The following ZNF462 variants were observed in gnomAD, a reference collection of about 807,000 sequenced individuals.
ZNF462 encodes zinc finger protein 462.
Under a neutral mutation model 201.9 loss-of-function variants are expected in ZNF462, and 10 were observed. The ratio of observed to expected loss-of-function variants is 0.05; its 90% confidence interval spans 0.03 to 0.08. ZNF462 has a LOEUF of 0.08. Ranked by LOEUF, ZNF462 falls within the 10% of genes least tolerant of loss-of-function variation. The pLI, the probability that ZNF462 is intolerant of heterozygous loss-of-function variation, is 1.00. For synonymous variants in ZNF462, 1,227 were observed against 1,193.3 expected, an observed-to-expected ratio of 1.03 and a Z score of -0.58; for missense variants, 2,523 against 3,168.3, an observed-to-expected ratio of 0.80 and a Z score of 4.89.
intron 1 of ZNF462, among the ~76,000 whole-genome samples, chr9:106,884,044 C>T (rs1204768531): frequency 6.6e-6 from 1 of 152,192 alleles, no homozygotes; most frequent in Non-Finnish European, 1.5e-5. Context: ...AAAAAGTTTT[C>T]TTTCTAAATC....
At position 106,927,989 on chromosome 9, in the gene ZNF462, T is replaced by C. The variant is rs765379964; in HGVS notation, c.4077T>C (p.Ser1359=). 1.2e-5 allele frequency: 20 copies of C among 1,614,124 alleles called. No homozygotes were observed. In the South Asian group the frequency reaches 1.6e-4, roughly 13 times the overall value. ...CTGGGCCAGACCCATCCCCTCCCTC[T>C]CTCACAATGCCAGCCGAAGCCAAAA... The part of the protein sequence containing the change: ...LWAGPDPSPP[S]LTMPAEAKTY... Residue 1359 remains serine (S), a synonymous_variant, in exon 3 of 13, where the codon TCT becomes TCC. Coordinates refer to ENST00000277225, the MANE Select transcript of ZNF462 (RefSeq NM_021224.6).
intron 6 of ZNF462, among the ~76,000 whole-genome samples, chr9:106,936,345 C>G (rs1479785871): frequency 6.6e-6 from 1 of 152,168 alleles, no homozygotes; most frequent in African/African-American, 2.4e-5. Flanking sequence ...GTGTCACATT[C>G]CTTGTGCCTT....
rs2131559927 is a variant in ZNF462, at chr9:106,933,330, G to A, written c.6116+781G>A. On this transcript the variant is annotated intron_variant, in intron 5 of 12. Coordinates refer to ENST00000277225, the MANE Select transcript of ZNF462 (RefSeq NM_021224.6). The surrounding 1 kb of genome is among the most constrained non-coding windows in gnomAD (Gnocchi z 4.3). ...GATAAAGGGCCAGTTAGTGGTTGTTGAACAGAAGAAGGAGGTGGTGTTTTC... is the reference window on the plus strand; with the variant it reads ...GATAAAGGGCCAGTTAGTGGTTGTTAAACAGAAGAAGGAGGTGGTGTTTTC... The A allele has an allele frequency of 6.6e-6, 1 of 152,518 alleles. No individual in the cohort carries two copies. Among genetic ancestry groups the A allele is most frequent in the African/African-American group, 2.4e-5 (1 of 41,578 alleles). 9.4% of individuals were successfully genotyped at this position (152,518 alleles called of 1,614,324 possible).
At chr9:107,002,815 T>C (rs1298091531) in intron 10 of ZNF462, among the ~76,000 whole-genome samples, 1 of 152,206 alleles carries the variant, frequency 6.6e-6, no homozygotes, top group Non-Finnish European at 1.5e-5. Context: ...CGGGACAGCC[T>C]GCAACACCCT....
chr9:106,882,576 T>C (rs1322582934), intron 1 of ZNF462, among the ~76,000 whole-genome samples: 2 of 152,152 alleles, frequency 1.3e-5, no homozygotes, highest in African/African-American at 4.8e-5. Flanking sequence ...CAAGGAAAAT[T>C]TGTTTGTCGG....
intron 7 of ZNF462, among the ~76,000 whole-genome samples, chr9:106,958,182 G>A (rs1247064670): frequency 2.6e-5 from 4 of 151,848 alleles, no homozygotes; most frequent in Non-Finnish European, 4.4e-5. Flanking sequence ...CAGTGGGAAT[G>A]CATTTCTACC....
rs115885681 is a variant in ZNF462, at chr9:106,979,713, G to A, written c.6833-4473G>A. Among the ~76,000 whole-genome samples the A allele has an allele frequency of 1.4e-3, 209 of 147,358 alleles. 6 individuals are homozygous for A. Among genetic ancestry groups the A allele is most frequent in the African/African-American group, 5.4e-3 (200 of 36,918 alleles). On this transcript the variant is annotated intron_variant, in intron 9 of 12. Transcript: ENST00000277225. ...ATAGTTTTATGAGGGTATTCCTATT[G>A]AGTTGATCACCATTGGAAGCACAAT...
chr9:106,940,345 C>T (rs746960055), intron 7 of ZNF462, among the ~76,000 whole-genome samples: 1 of 152,050 alleles, frequency 6.6e-6, no homozygotes, highest in Non-Finnish European at 1.5e-5. Context: ...ATAACAAGTA[C>T]GAATTTTGGT....
chr9:106,892,313 G>T lies in ZNF462; in HGVS notation c.-31+28958G>T, dbSNP rs1828614486. 3.3e-5 allele frequency among the ~76,000 whole-genome samples: 5 copies of T among 152,224 alleles called. No individual in the cohort carries two copies. In the South Asian group the frequency reaches 1.0e-3, roughly 32 times the overall value. On this transcript the variant is annotated intron_variant, in intron 1 of 12. Transcript: ENST00000277225. ...AACGAAAGTGCAACTCAGAAGATTA[G>T]GTAGCTATATACGTAAGCATATCAT... is the stretch of plus-strand genomic sequence containing the variant.
intron 1 of ZNF462, among the ~76,000 whole-genome samples, chr9:106,904,785 G>C (rs1215622251): frequency 1.3e-5 from 2 of 151,950 alleles, no homozygotes; most frequent in Non-Finnish European, 2.9e-5. Context: ...TTTTCTTTAA[G>C]CTATCTGTTT....
rs559013356 is a variant in ZNF462 at position 106,984,373 on chromosome 9, G to A, written c.7020G>A (p.Thr2340=). The A allele has an allele frequency of 2.6e-5, 42 of 1,613,752 alleles. 1 individual carries two copies. Among genetic ancestry groups the A allele is most frequent in the Admixed American group, 8.3e-5 (5 of 59,970 alleles). Residue 2340 remains threonine (T), a synonymous_variant, in exon 10 of 13, where the codon ACG becomes ACA. Transcript: ENST00000277225. The surrounding 1 kb of genome is among the most constrained non-coding windows in gnomAD (Gnocchi z 6.4). ...CQLCYYETKH[T]EELDSHLRDE... ...TCTGCTACTATGAGACCAAGCACAC[G>A]GAGGAACTGGACAGCCACCTTCGGG...
At chr9:107,007,930 G>A (rs1829674738) in intron 11 of ZNF462, among the ~76,000 whole-genome samples, 1 of 152,136 alleles carries the variant, frequency 6.6e-6, no homozygotes, top group South Asian at 2.1e-4. Flanking sequence ...TCCTCTTGTT[G>A]GCAATTTAGA....
intron 5 of ZNF462, among the ~76,000 whole-genome samples, chr9:106,934,342 A>T (rs1445349030): frequency 6.6e-6 from 1 of 152,046 alleles, no homozygotes; most frequent in Non-Finnish European, 1.5e-5. Context: ...ACAAGGAATT[A>T]AGAAGCAATA....
At chr9:106,901,857 GCAAA>G (rs1482022515) in intron 1 of ZNF462, among the ~76,000 whole-genome samples, 3 of 152,134 alleles carry the variant, frequency 2.0e-5, no homozygotes, top group South Asian at 2.1e-4. Flanking sequence ...CCTATTGTCA[GCAAA>G]CAAACAGTGA....
In ZNF462 at chr9:106,926,567, G is replaced by T; in HGVS notation, c.2655G>T (p.Val885=). 6.2e-7 allele frequency: 1 copy of T among 1,614,134 alleles called. No individual in the cohort carries two copies. Reference sequence around the variant, plus strand: ...TGGACCCCAATGATCACAGTGCAGTGTACAGGTGCCTGGAATGCTACATCG... The same window carrying T: ...TGGACCCCAATGATCACAGTGCAGTTTACAGGTGCCTGGAATGCTACATCG... The part of the protein sequence containing the change: ...YILDPNDHSA[V]YRCLECYIDY... Residue 885 remains valine, a synonymous_variant, in exon 3 of 13, where the codon GTG becomes GTT. Transcript: ENST00000277225. This position sits in a 1 kb window ranked among gnomAD's most constrained non-coding sequence, Gnocchi z 7.9.
At chr9:106,946,343 A>G (rs1363000910) in intron 7 of ZNF462, among the ~76,000 whole-genome samples, 1 of 152,190 alleles carries the variant, frequency 6.6e-6, no homozygotes, top group Non-Finnish European at 1.5e-5. Context: ...AAAGCAATTA[A>G]TCTCAGTTAT....
At chr9:106,961,860 G>A (rs1215793579) in intron 7 of ZNF462, among the ~76,000 whole-genome samples, 2 of 152,006 alleles carry the variant, frequency 1.3e-5, no homozygotes, top group East Asian at 3.9e-4. Context: ...TGAAAGATGA[G>A]TAAGAGTTTG....
At chr9:106,991,577 G>A (rs1362746726) in intron 10 of ZNF462, among the ~76,000 whole-genome samples, 1 of 151,788 alleles carries the variant, frequency 6.6e-6, no homozygotes, top group Admixed American at 6.6e-5. Flanking sequence ...ATGACCTATA[G>A]AATATCCTAG....
chr9:106,993,824 A>G lies in ZNF462; in HGVS notation c.7056+9415A>G, dbSNP rs1205626603. ...CAATGGCGCAATCATAGCTCACTGC[A>G]TCTTCAAACTCCTAGGCTCAAGCAA... On this transcript the variant is annotated intron_variant, in intron 10 of 12. Transcript: ENST00000277225. This position sits in a 1 kb window ranked among gnomAD's most constrained non-coding sequence, Gnocchi z 4.0. 6.6e-6 allele frequency among the ~76,000 whole-genome samples: 1 copy of G among 152,088 alleles called. No homozygotes were observed. The highest frequency in any genetic ancestry group is 2.4e-5 in the African/African-American group (1 of 41,426).
Sources: gnomAD v4.1 joint callset for allele counts (sites outside exome capture counted in the v4.1 genomes callset) on GRCh38, gnomAD v4.1.1 for gene constraint, Gnocchi (gnomAD v3.1) non-coding constraint, MANE v1.5 for transcripts, NCBI Gene and HGNC (gene_info 2026-07-23, HGNC 2026-07-21) for gene names.